Variants in BACE2 observed in about 807,000 individuals in gnomAD.
The protein encoded by BACE2 is 56 kDa aspartic-like protease.
Under a neutral mutation model 46.2 loss-of-function variants are expected in BACE2, and 17 were observed. That is an observed-to-expected ratio of 0.37 (90% CI 0.25 to 0.55). The LOEUF is 0.55. BACE2 is among the 20% of genes least tolerant of loss of function. The probability of loss-of-function intolerance (pLI) is 0.82; values close to 1 mark genes in which losing one functional copy is unlikely to be tolerated. For missense variants in BACE2, 595 were observed against 698.1 expected (o/e 0.85, Z 1.66); for synonymous variants, 277 against 295.9 (o/e 0.94, Z 0.66).
At chr21:41,207,743 C>T (rs963074180) in intron 1 of BACE2, among the ~76,000 whole-genome samples, 4 of 152,224 alleles carry the variant, frequency 2.6e-5, no homozygotes, top group African/African-American at 7.2e-5. Context: ...GGCCTCCAGC[C>T]CACATCTGCG....
rs1321890436 is a variant in BACE2 at position 41,278,095 on chromosome 21, A to G, written c.*2471A>G. On this transcript the variant is annotated 3_prime_UTR_variant, in exon 9 of 9. Coordinates refer to ENST00000330333, the MANE Select transcript of BACE2 (RefSeq NM_012105.5). ...TTTGCTTGGAACAGGAAAGGAATTA[A>G]CAACCCTTTGAGGGTGTCATTTTTA... is the stretch of plus-strand genomic sequence containing the variant. 1 of 152,228 alleles carries G rather than the reference A, an allele frequency of 6.6e-6. No homozygotes were observed. The highest frequency in any genetic ancestry group is 6.5e-5 in the Admixed American group (1 of 15,288). 9.4% of individuals were successfully genotyped at this position (152,228 alleles called of 1,614,324 possible).
chr21:41,171,023 G>A (rs945609605), intron 1 of BACE2, among the ~76,000 whole-genome samples: 2 of 152,188 alleles, frequency 1.3e-5, no homozygotes, highest in Non-Finnish European at 2.9e-5. Context: ...TGGAAGCCAG[G>A]GAGCTGAACT....
chr21:41,255,307 GT>G (rs1274812680), intron 7 of BACE2, among the ~76,000 whole-genome samples: 2 of 152,192 alleles, frequency 1.3e-5, no homozygotes, highest in African/African-American at 4.8e-5. Context: ...AGATCACGGG[GT>G]GACCTAGGGC....
At chr21:41,174,229 A>G (rs1226882444) in intron 1 of BACE2, among the ~76,000 whole-genome samples, 1 of 133,096 alleles carries the variant, frequency 7.5e-6, no homozygotes, top group Non-Finnish European at 1.5e-5. Flanking sequence ...TGCAACCTCC[A>G]CCTCCCAGGT....
chr21:41,228,476 G>A (rs1278457527), intron 2 of BACE2, among the ~76,000 whole-genome samples: 1 of 152,210 alleles, frequency 6.6e-6, no homozygotes, highest in Non-Finnish European at 1.5e-5. Context: ...TGTACAAGAA[G>A]CATGGTGCCA....
chr21:41,243,795 A>T (rs1430325584), intron 5 of BACE2, among the ~76,000 whole-genome samples: 2 of 152,238 alleles, frequency 1.3e-5, no homozygotes, highest in Admixed American at 1.3e-4. Flanking sequence ...TTCACCATTC[A>T]TTCATCTTGG....
chr21:41,179,608 C>T (rs1277613962), intron 1 of BACE2: 5 of 1,355,942 alleles, frequency 3.7e-6, no homozygotes, highest in African/African-American at 1.5e-5. Flanking sequence ...TGCAGTGCTT[C>T]AGGCGCAGCA....
rs1985628563 is a variant in BACE2 at position 41,193,070 on chromosome 21, GA to G, written c.312+24496del. Among the ~76,000 whole-genome samples, 1 of 152,152 alleles carries G rather than the reference GA, an allele frequency of 6.6e-6. No individual in the cohort carries two copies. Among genetic ancestry groups the G allele is most frequent in the South Asian group, 2.1e-4 (1 of 4,824 alleles). ...TGTGTTTGCTACTTCTTGCTCACTG[GA>G]TCCAATCAGCATAATGTCATCAAAC... On this transcript the variant is annotated intron_variant, in intron 1 of 8. Transcript: ENST00000330333. This position sits in a 1 kb window ranked among gnomAD's most constrained non-coding sequence, Gnocchi z 4.2.
intron 1 of BACE2, among the ~76,000 whole-genome samples, chr21:41,192,223 CT>C (rs1302620946): frequency 6.6e-6 from 1 of 152,230 alleles, no homozygotes; most frequent in Non-Finnish European, 1.5e-5. Context: ...CTAGTCTTCT[CT>C]TCCTCTGTCA....
chr21:41,252,457 G>A (rs960933305), intron 7 of BACE2: 1 of 152,246 alleles, frequency 6.6e-6, no homozygotes, highest in African/African-American at 2.4e-5. Context: ...CCATTTGTGA[G>A]GTTGCACCTC....
intron 1 of BACE2, among the ~76,000 whole-genome samples, chr21:41,210,178 T>C (rs1986253600): frequency 6.6e-6 from 1 of 152,122 alleles, no homozygotes; most frequent in Non-Finnish European, 1.5e-5. Context: ...ACAGTTGGTA[T>C]CAACCTGCTG....
chr21:41,197,391 GTGGTA>G (rs1985777319), intron 1 of BACE2, among the ~76,000 whole-genome samples: 1 of 151,812 alleles, frequency 6.6e-6, no homozygotes, highest in Non-Finnish European at 1.5e-5. Context: ...GTGACTGGCA[GTGGTA>G]TGGTACTTAG....
chr21:41,234,645 T>C (rs1002351784), intron 2 of BACE2, among the ~76,000 whole-genome samples: 1 of 152,278 alleles, frequency 6.6e-6, no homozygotes, highest in Admixed American at 6.5e-5. Context: ...ATTTCTGAAC[T>C]TGAGGAATGA....
chr21:41,208,687 C>T (rs547495574), intron 1 of BACE2, among the ~76,000 whole-genome samples: 36 of 152,216 alleles, frequency 2.4e-4, no homozygotes, highest in African/African-American at 8.4e-4. Flanking sequence ...TATGAGGGCT[C>T]AGGGGCTGCT....
intron 1 of BACE2, chr21:41,178,815 T>C (rs1208387970): frequency 8.8e-6 from 2 of 227,228 alleles, no homozygotes; most frequent in Admixed American, 5.2e-5. Context: ...ACAGAGAGAG[T>C]CTTGGCTTTT....
chr21:41,181,316 A>G (rs962337925), intron 1 of BACE2: 8 of 167,110 alleles, frequency 4.8e-5, no homozygotes, highest in African/African-American at 1.9e-4. Context: ...TGCGATGTTT[A>G]TACTTCATTG....
intron 1 of BACE2, among the ~76,000 whole-genome samples, chr21:41,201,159 G>A (rs1490825212): frequency 6.6e-6 from 1 of 152,192 alleles, no homozygotes; most frequent in Non-Finnish European, 1.5e-5. Flanking sequence ...TACCCTACCT[G>A]TCTTATCCTC....
chr21:41,212,022 T>C (rs1013463956), intron 1 of BACE2, among the ~76,000 whole-genome samples: 1 of 152,226 alleles, frequency 6.6e-6, no homozygotes, highest in South Asian at 2.1e-4. Flanking sequence ...ACCACTGTTT[T>C]CTTGTTTATT....
Position 41,250,977 on chromosome 21 carries a change from G to C in BACE2, c.1134+76G>C, listed in dbSNP as rs145377331. Reference sequence around the variant, plus strand: ...CACTCCATGCATGACACGTGTATTAGATGTCACACCTGCATTAGATCTCTA... The same window carrying C: ...CACTCCATGCATGACACGTGTATTACATGTCACACCTGCATTAGATCTCTA... On this transcript the variant is annotated intron_variant, in intron 7 of 8. Transcript: ENST00000330333. 3.0e-6 allele frequency: 4 copies of C among 1,355,224 alleles called. No individual in the cohort carries two copies. In the South Asian group the frequency reaches 5.1e-5, roughly 17 times the overall value. 83.9% of individuals were successfully genotyped at this position (1,355,224 alleles called of 1,614,324 possible). A position where few individuals can be genotyped will look rare whatever the true frequency, so the allele number is the denominator to read the frequency against.
Sources: gnomAD v4.1 joint callset for allele counts (sites outside exome capture counted in the v4.1 genomes callset) on GRCh38, gnomAD v4.1.1 for gene constraint, Gnocchi (gnomAD v3.1) non-coding constraint, MANE v1.5 for transcripts, NCBI Gene and HGNC (gene_info 2026-07-23, HGNC 2026-07-21) for gene names.